The following PTPRM variants were observed in gnomAD, a reference collection of about 807,000 sequenced individuals.
The protein encoded by PTPRM is receptor-type tyrosine-protein phosphatase mu.
Under a neutral mutation model 186.7 loss-of-function variants are expected in PTPRM, and 47 were observed. The ratio of observed to expected loss-of-function variants is 0.25; its 90% CI spans 0.20 to 0.32. The LOEUF is 0.32. PTPRM is among the 10% of genes least tolerant of loss of function. The pLI is 1.00. For synonymous variants in PTPRM, 668 were observed against 674.9 expected, an observed-to-expected ratio of 0.99 and a Z score of 0.16; for missense variants, 1,494 against 1,865.0, an observed-to-expected ratio of 0.80 and a Z score of 3.66.
chr18:7,649,420 A>G (rs28788217), intron 1 of PTPRM, among the ~76,000 whole-genome samples: 46,493 of 152,126 alleles, frequency 0.31, 11,311 homozygotes, highest in African/African-American at 0.67. Flanking sequence ...GCTATCATAG[A>G]TAGTTATTTC....
intron 11 of PTPRM, among the ~76,000 whole-genome samples, chr18:8,106,159 TTGGGGCCACTC>T (rs966563948): frequency 1.2e-4 from 19 of 152,262 alleles, no homozygotes; most frequent in African/African-American, 3.4e-4. Context: ...TGTGTAGCTC[TTGGGGCCACTC>T]TGGGGACTCC....
At chr18:7,918,352 C>A (rs2050681875) in intron 4 of PTPRM, among the ~76,000 whole-genome samples, 1 of 152,156 alleles carries the variant, frequency 6.6e-6, no homozygotes. Flanking sequence ...TATATTCCCA[C>A]CAACACTGTA....
intron 14 of PTPRM, among the ~76,000 whole-genome samples, chr18:8,225,809 T>C (rs988507622): frequency 8.5e-5 from 13 of 152,228 alleles, no homozygotes; most frequent in African/African-American, 3.1e-4. Flanking sequence ...ATCAAAATTA[T>C]AAATTTCTGT....
chr18:7,733,407 A>G (rs574508924), intron 1 of PTPRM, among the ~76,000 whole-genome samples: 2 of 152,294 alleles, frequency 1.3e-5, no homozygotes, highest in East Asian at 3.9e-4. Context: ...CCTGCAAAGG[A>G]CATGATCTCA....
At chr18:8,271,977 C>A (rs758280885) in intron 19 of PTPRM, among the ~76,000 whole-genome samples, 37 of 151,972 alleles carry the variant, frequency 2.4e-4, no homozygotes, top group Non-Finnish European at 4.3e-4. Context: ...TCTGGGAGGC[C>A]GAGGCAGGCG....
At chr18:8,186,710 G>A (rs889875059) in intron 14 of PTPRM, among the ~76,000 whole-genome samples, 7 of 152,344 alleles carry the variant, frequency 4.6e-5, no homozygotes, top group African/African-American at 1.7e-4. Context: ...GCACTCATGT[G>A]TCAGGCACAG....
intron 19 of PTPRM, among the ~76,000 whole-genome samples, chr18:8,261,965 G>A (rs1318356086): frequency 1.3e-5 from 2 of 152,184 alleles, no homozygotes; most frequent in South Asian, 2.1e-4. Flanking sequence ...GGCCCAGAAA[G>A]GATAGTGAAC....
At chr18:8,187,825 A>T (rs1198284457) in intron 14 of PTPRM, among the ~76,000 whole-genome samples, 1 of 152,186 alleles carries the variant, frequency 6.6e-6, no homozygotes. Context: ...AGATTACCAC[A>T]TGTTTTTTAG....
At chr18:7,847,157 G>GAAATAC (rs2046636015) in intron 2 of PTPRM, among the ~76,000 whole-genome samples, 1 of 137,440 alleles carries the variant, frequency 7.3e-6, no homozygotes, top group Admixed American at 8.6e-5. Context: ...TGTAGTTTCT[G>GAAATAC]AAATACAAAT....
Position 8,256,564 on chromosome 18 carries a change from A to T in PTPRM, c.2754+3150A>T, listed in dbSNP as rs552858582. On this transcript the variant is annotated intron_variant, in intron 19 of 32. Coordinates refer to ENST00000580170, the MANE Select transcript of PTPRM (RefSeq NM_001105244.2). ...ATGTTCTTTATAGGGAAACTTCGTTATACTGAGGTTTCAGTAAAACTCTCA... is the reference window on the plus strand; with the variant it reads ...ATGTTCTTTATAGGGAAACTTCGTTTTACTGAGGTTTCAGTAAAACTCTCA... Among the ~76,000 whole-genome samples, 203 of 152,366 alleles carry T rather than the reference A, an allele frequency of 1.3e-3. 1 individual carries two copies. Among genetic ancestry groups the T allele is most frequent in the African/African-American group, 4.6e-3 (191 of 41,592 alleles).
At chr18:7,864,083 A>G (rs1179480297) in intron 2 of PTPRM, among the ~76,000 whole-genome samples, 6 of 152,060 alleles carry the variant, frequency 3.9e-5, no homozygotes, top group Non-Finnish European at 8.8e-5. Flanking sequence ...TTCTTTGTGT[A>G]TTCTGGATAT....
chr18:8,269,435 G>T (rs760304583), intron 19 of PTPRM, among the ~76,000 whole-genome samples: 5 of 151,822 alleles, frequency 3.3e-5, no homozygotes, highest in Non-Finnish European at 7.4e-5. Flanking sequence ...GGATTGGAAG[G>T]CTTAATATTG....
At chr18:8,302,268 A>T (rs1244850445) in intron 20 of PTPRM, among the ~76,000 whole-genome samples, 1 of 152,158 alleles carries the variant, frequency 6.6e-6, no homozygotes, top group African/African-American at 2.4e-5. Flanking sequence ...GGGACGGAGC[A>T]GGGAGGATGC....
At chr18:8,192,347 C>T (rs1255832049) in intron 14 of PTPRM, among the ~76,000 whole-genome samples, 1 of 152,064 alleles carries the variant, frequency 6.6e-6, no homozygotes, top group Non-Finnish European at 1.5e-5. Context: ...TAAAAGAAAC[C>T]AGGACTTCCT....
intron 1 of PTPRM, among the ~76,000 whole-genome samples, chr18:7,718,213 T>G (rs2040379666): frequency 1.3e-5 from 2 of 152,012 alleles, no homozygotes; most frequent in African/African-American, 4.8e-5. Context: ...GGTATAAAAA[T>G]AGACACATAG....
At chr18:8,070,398 C>G (rs922647525) in intron 8 of PTPRM, among the ~76,000 whole-genome samples, 1 of 114,460 alleles carries the variant, frequency 8.7e-6, no homozygotes, top group South Asian at 2.8e-4. Context: ...CATTCTGAAA[C>G]ATTTTTCATA....
intron 5 of PTPRM, chr18:7,946,937 TG>T (rs1327497229): frequency 2.2e-6 from 1 of 456,230 alleles, no homozygotes; most frequent in Non-Finnish European, 4.4e-6. Flanking sequence ...GCCCCTTCTT[TG>T]GGGAGCTGAC....
At chr18:7,746,273 C>G (rs1270708709) in intron 1 of PTPRM, among the ~76,000 whole-genome samples, 1 of 151,966 alleles carries the variant, frequency 6.6e-6, no homozygotes, top group Non-Finnish European at 1.5e-5. Flanking sequence ...TTCAAAGAAG[C>G]AACAATAAGA....
At chr18:8,054,298 AATATATATATAT>A (rs34903203) in intron 7 of PTPRM, among the ~76,000 whole-genome samples, 1 of 131,706 alleles carries the variant, frequency 7.6e-6, no homozygotes, top group African/African-American at 3.3e-5. Flanking sequence ...TAGTAGTAGT[AATATATATATAT>A]ATATATATAT....
Sources: gnomAD v4.1 joint callset for allele counts (sites outside exome capture counted in the v4.1 genomes callset) on GRCh38, gnomAD v4.1.1 for gene constraint, MANE v1.5 for transcripts, NCBI Gene and HGNC (gene_info 2026-07-23, HGNC 2026-07-21) for gene names.